The following ITFG1 variants were observed in gnomAD, a reference collection of about 807,000 sequenced individuals.
ITFG1 encodes integrin alpha FG-GAP repeat containing 1.
Under a neutral mutation model 81.8 loss-of-function variants are expected in ITFG1, and 34 were observed. The ratio of observed to expected loss-of-function variants is 0.42; its 90% CI spans 0.32 to 0.55. The LOEUF is 0.55. Among genes scored for constraint, ITFG1 ranks in the 20% least tolerant of loss-of-function variants. ITFG1 has a pLI of 0.17. For missense variants in ITFG1, 672 were observed against 755.4 expected (o/e 0.89, Z 1.29); for synonymous variants, 285 against 270.6 (o/e 1.05, Z -0.52).
chr16:47,155,874 C>T (rs1964696136), intron 17 of ITFG1, 96 bp from the exon 18 acceptor site: 1 of 800,964 alleles, frequency 1.2e-6, no homozygotes. Context: ...TAAAAGTCTC[C>T]AGCAATTAGC....
chr16:47,269,422 G>A (rs1966312396), intron 10 of ITFG1, among the ~76,000 whole-genome samples: 1 of 149,578 alleles, frequency 6.7e-6, no homozygotes, highest in South Asian at 2.1e-4. Flanking sequence ...GCCATGACAG[G>A]AGGATTGCTT....
chr16:47,286,055 T>G (rs772786394), intron 10 of ITFG1, among the ~76,000 whole-genome samples: 7 of 152,162 alleles, frequency 4.6e-5, no homozygotes, highest in Non-Finnish European at 1.0e-4. Context: ...GAGATGGAAG[T>G]AACATCACTG....
intron 6 of ITFG1, among the ~76,000 whole-genome samples, chr16:47,393,885 CAT>C (rs1968562969): frequency 6.6e-6 from 1 of 152,164 alleles, no homozygotes; most frequent in Non-Finnish European, 1.5e-5. Context: ...AACACACTAA[CAT>C]ATCAGTGTCA....
At chr16:47,286,704 C>T (rs1966870986) in intron 10 of ITFG1, among the ~76,000 whole-genome samples, 1 of 151,846 alleles carries the variant, frequency 6.6e-6, no homozygotes, top group Non-Finnish European at 1.5e-5. Context: ...TGGCAGCCTT[C>T]TCAGCAGCCC....
At position 47,203,845 on chromosome 16, in the gene ITFG1, G is replaced by A. The variant is rs1455413480; in HGVS notation, c.1453+15023C>T. Among the ~76,000 whole-genome samples the A allele has an allele frequency of 3.3e-5, 5 of 152,286 alleles. No individual in the cohort carries two copies. The East Asian group carries it at 9.7e-4, about 29-fold the overall frequency. On this transcript the variant is annotated intron_variant, in intron 14 of 17. Transcript: ENST00000320640. ...AGTACTCAGATTCATAGAGACTGAA[G>A]GTAGAATGGTACATGCCATGGGCTG...
chr16:47,239,500 G>C (rs1321528995), intron 12 of ITFG1, among the ~76,000 whole-genome samples: 2 of 152,034 alleles, frequency 1.3e-5, no homozygotes, highest in Admixed American at 6.6e-5. Context: ...GGTCTGGCCA[G>C]ATATTTTTTT....
chr16:47,273,032 C>T (rs1338698239), intron 10 of ITFG1, among the ~76,000 whole-genome samples: 1 of 150,864 alleles, frequency 6.6e-6, no homozygotes, highest in East Asian at 1.9e-4. Flanking sequence ...GTGCTGTAAG[C>T]AACTGTCTTA....
At chr16:47,425,923 T>A (rs1453948521) in intron 6 of ITFG1, 1 of 152,140 alleles carries the variant, frequency 6.6e-6, no homozygotes, top group East Asian at 1.9e-4. Context: ...GTTTTCTGGT[T>A]GTTTTGCATA....
At chr16:47,450,913 C>A (rs1969380403) in intron 5 of ITFG1, among the ~76,000 whole-genome samples, 1 of 152,184 alleles carries the variant, frequency 6.6e-6, no homozygotes, top group African/African-American at 2.4e-5. Context: ...GCCTAGCACA[C>A]ATACTGGTGA....
intron 17 of ITFG1, among the ~76,000 whole-genome samples, chr16:47,156,850 A>T (rs1964717862): frequency 6.6e-6 from 1 of 152,224 alleles, no homozygotes; most frequent in African/African-American, 2.4e-5. Flanking sequence ...GGCCAGGCCA[A>T]GGATTTTATA....
At chr16:47,205,606 C>T (rs1482810021) in intron 14 of ITFG1, among the ~76,000 whole-genome samples, 1 of 152,068 alleles carries the variant, frequency 6.6e-6, no homozygotes, top group African/African-American at 2.4e-5. Flanking sequence ...AGCTTCTAGC[C>T]TTCTGAATAA....
chr16:47,428,236 A>G (rs891548252), intron 6 of ITFG1, among the ~76,000 whole-genome samples: 4 of 152,234 alleles, frequency 2.6e-5, no homozygotes, highest in African/African-American at 9.6e-5. Flanking sequence ...GAAATATTTA[A>G]AAGTGAAATT....
At chr16:47,408,304 C>T (rs1384914860) in intron 6 of ITFG1, among the ~76,000 whole-genome samples, 5 of 152,120 alleles carry the variant, frequency 3.3e-5, no homozygotes, top group African/African-American at 4.8e-5. Flanking sequence ...TTCCCTTGGC[C>T]GATGACATAA....
intron 5 of ITFG1, among the ~76,000 whole-genome samples, chr16:47,440,150 T>C (rs539659623): frequency 1.3e-5 from 2 of 152,206 alleles, no homozygotes; most frequent in African/African-American, 2.4e-5. Context: ...CCTAAATATA[T>C]ATGCACCCAA....
intron 14 of ITFG1, among the ~76,000 whole-genome samples, chr16:47,176,840 A>G (rs556836765): frequency 1.3e-5 from 2 of 152,336 alleles, no homozygotes; most frequent in East Asian, 3.9e-4. Flanking sequence ...CAATGGTTCA[A>G]GCCTTTTTTG....
intron 6 of ITFG1, among the ~76,000 whole-genome samples, chr16:47,423,836 C>T (rs1968983769): frequency 6.6e-6 from 1 of 152,188 alleles, no homozygotes; most frequent in Admixed American, 6.5e-5. Context: ...GGTAACCCGA[C>T]CTTTCTCTCT....
At chr16:47,189,793 G>A (rs949002185) in intron 14 of ITFG1, among the ~76,000 whole-genome samples, 1 of 152,138 alleles carries the variant, frequency 6.6e-6, no homozygotes, top group African/African-American at 2.4e-5. Flanking sequence ...TTTGTTAACT[G>A]CTTTTCTAAC....
chr16:47,290,648 T>C (rs1336709757), intron 10 of ITFG1, among the ~76,000 whole-genome samples: 1 of 152,198 alleles, frequency 6.6e-6, no homozygotes, highest in African/African-American at 2.4e-5. Context: ...CTTCTGTTTG[T>C]GTGGAACATC....
At chr16:47,345,573 A>G (rs1967842977) in intron 8 of ITFG1, among the ~76,000 whole-genome samples, 1 of 152,222 alleles carries the variant, frequency 6.6e-6, no homozygotes, top group South Asian at 2.1e-4. Context: ...TGCTGGAATT[A>G]CAGGCATCAG....
Sources: gnomAD v4.1 joint callset for allele counts (sites outside exome capture counted in the v4.1 genomes callset) on GRCh38, gnomAD v4.1.1 for gene constraint, MANE v1.5 for transcripts, NCBI Gene and HGNC (gene_info 2026-07-23, HGNC 2026-07-21) for gene names.